The following ZC3H13 variants were observed in gnomAD, a reference collection of about 807,000 sequenced individuals.
ZC3H13 encodes the protein zinc finger CCCH-type containing 13.
In ZC3H13, 64 loss-of-function variants were observed where a neutral mutation model predicts 204.1. The ratio of observed to expected loss-of-function variants is 0.31; its 90% CI spans 0.26 to 0.39. The LOEUF (loss-of-function observed/expected upper bound fraction) is 0.39, where lower values mean the gene tolerates loss of function less well. Among genes scored for constraint, ZC3H13 ranks in the 10% least tolerant of loss-of-function variants. The pLI is 1.00. For missense variants in ZC3H13, 1,833 were observed against 2,082.7 expected, an observed-to-expected ratio of 0.88 and a Z score of 2.33; for synonymous variants, 667 against 693.7, an observed-to-expected ratio of 0.96 and a Z score of 0.60.
At chr13:45,962,463 CTT>C in intron 17 of ZC3H13, 1 of 984,604 alleles carries the variant, frequency 1.0e-6, no homozygotes, top group Non-Finnish European at 1.2e-6. Context: ...TATTCCATCA[CTT>C]TACAAATAAA....
At chr13:45,967,380 T>TA in intron 15 of ZC3H13, 124 bp downstream of exon 15, 1 of 1,102,372 alleles carries the variant, frequency 9.1e-7, no homozygotes, top group Non-Finnish European at 1.3e-6. Flanking sequence ...ACTTCCTCTA[T>TA]AGAAGAATGG....
At position 45,989,076 on chromosome 13, in the gene ZC3H13, C is replaced by A. The variant is rs748949295; in HGVS notation, c.966G>T (p.Gln322His). The change falls in exon 9 of 19, where the codon CAG becomes CAT. Residue 322 changes from glutamine (Q) to histidine (H), a missense_variant. Gln to His is a conservative substitution (Grantham distance 24, BLOSUM62 0). Around this residue, in one of 5 missense-constraint regions of ZC3H13, gnomAD observed 1,574 missense variants for 1,757.2 expected, o/e 0.90. Coordinates refer to ENST00000679008, the MANE Select transcript of ZC3H13 (RefSeq NM_001330564.2). ...GTCTAGAAGATATAGGAGAATGATGCTGTCCTGCTGGGGAAGTAGACCTAC... is the reference window on the plus strand; with the variant it reads ...GTCTAGAAGATATAGGAGAATGATGATGTCCTGCTGGGGAAGTAGACCTAC... Reference protein sequence around the residue: ...DKPRSTSPAGQHHSPISSRHH... With the variant: ...DKPRSTSPAGHHHSPISSRHH... The A allele has an allele frequency of 1.9e-5, 30 of 1,613,478 alleles. 1 individual carries two copies. In the South Asian group the frequency reaches 3.3e-4, roughly 18 times the overall value.
chr13:46,042,267 T>A lies in ZC3H13; in HGVS notation c.236A>T (p.Glu79Val). ...TTCTCTAAGATCCCCTGTAGGTCTT[T>A]CTGGTGACCTTTGAACCAAAACACA... ...GYSSNYRRSP[E>V]RPTGDLRERM... is the part of the protein sequence containing the mutation. The change falls in exon 4 of 19, where the codon GAA becomes GTA. Residue 79 changes from glutamate (E) to valine (V), a missense_variant. Coordinates refer to ENST00000679008, the MANE Select transcript of ZC3H13 (RefSeq NM_001330564.2). 6.2e-7 allele frequency: 1 copy of A among 1,611,390 alleles called. No homozygotes were observed. The highest frequency in any genetic ancestry group is 8.5e-7 in the Non-Finnish European group (1 of 1,178,184).
At chr13:45,963,009 G>A (rs45594237) in intron 17 of ZC3H13, 11,974 of 985,338 alleles carry the variant, frequency 0.012, 100 homozygotes, top group South Asian at 0.051. Flanking sequence ...AAAAATCAGC[G>A]TGATAGGATA....
At chr13:45,966,084 AT>A (rs1484936206) in intron 15 of ZC3H13, among the ~76,000 whole-genome samples, 2 of 152,038 alleles carry the variant, frequency 1.3e-5, no homozygotes, top group South Asian at 2.1e-4. Flanking sequence ...TGTATGTTCT[AT>A]TTTTTTATTT....
At chr13:46,036,150 GAAA>G (rs5803325) in intron 4 of ZC3H13, among the ~76,000 whole-genome samples, 7 of 138,926 alleles carry the variant, frequency 5.0e-5, no homozygotes, top group East Asian at 2.1e-4. Flanking sequence ...TCCGTGTCAA[GAAA>G]AAAAAAAAAA....
chr13:46,051,694 C>G (rs1265049194), intron 1 of ZC3H13, among the ~76,000 whole-genome samples: 2 of 152,154 alleles, frequency 1.3e-5, no homozygotes, highest in Non-Finnish European at 2.9e-5. Context: ...AGACTTCATA[C>G]TCCCATAATT....
At chr13:46,037,222 A>G (rs1452122695) in intron 4 of ZC3H13, among the ~76,000 whole-genome samples, 2 of 152,244 alleles carry the variant, frequency 1.3e-5, no homozygotes, top group African/African-American at 4.8e-5. Context: ...CCACAATAAA[A>G]AAATGAAAAT....
Position 45,968,863 on chromosome 13 carries a change from T to C in ZC3H13, c.3681A>G (p.Val1227=), listed in dbSNP as rs529099909. The C allele has an allele frequency of 3.7e-6, 6 of 1,614,194 alleles. No individual in the cohort carries two copies. The African/African-American group carries it at 5.3e-5, about 14-fold the overall frequency. ...CTCTATCTCTTGAGCCACTGTGCAG[T>C]ACTCTCTTTCGACCACTTTGGTCAT... The part of the protein sequence containing the change: ...SGDDQSGRKR[V]LHSGSRDREK... The change falls in exon 14 of 19, where the codon GTA becomes GTG. Residue 1227 remains valine (V), a synonymous_variant. Transcript: ENST00000679008.
At chr13:46,052,321 G>C (rs936678192) in intron 1 of ZC3H13, 83 bp downstream of exon 1, 2 of 309,090 alleles carry the variant, frequency 6.5e-6, no homozygotes, top group South Asian at 1.6e-4. Flanking sequence ...AAGCAAAGAC[G>C]GGGGGGGGTA....
In ZC3H13 at chr13:45,955,762, T is replaced by C. The variant is rs1320626762; in HGVS notation, c.*1365A>G. The C allele has an allele frequency of 2.0e-5, 3 of 152,174 alleles. No individual in the cohort carries two copies. The East Asian group carries it at 5.8e-4, about 29-fold the overall frequency. The allele number at this position is 152,174 out of a possible 1,614,324, so 9.4% of individuals were successfully genotyped here. On this transcript the variant is annotated 3_prime_UTR_variant, in exon 19 of 19. Transcript: ENST00000679008. ...TCTTCTCCTGCTCTGTTTGCAATTA[T>C]ACATGCTTTCAAAGTCATTTGAAAG...
At chr13:46,020,364 G>T in intron 5 of ZC3H13, 85 bp downstream of exon 5, 1 of 963,082 alleles carries the variant, frequency 1.0e-6, no homozygotes, top group Non-Finnish European at 1.6e-6. Context: ...AGGGATCACA[G>T]TCGAAAGGTG....
Position 45,985,330 on chromosome 13 carries a change from T to C in ZC3H13, c.1687A>G (p.Ser563Gly), listed in dbSNP as rs1321922901. 1 of 1,614,082 alleles carries C rather than the reference T, an allele frequency of 6.2e-7. No individual in the cohort carries two copies. Among genetic ancestry groups the C allele is most frequent in the Non-Finnish European group, 8.5e-7 (1 of 1,179,954 alleles). ...GGTAACTCAGGAACCCTCCCCCTACTTCGGCCCATTCGGTCATTTCTAATT... is the reference window on the plus strand; with the variant it reads ...GGTAACTCAGGAACCCTCCCCCTACCTCGGCCCATTCGGTCATTTCTAATT... ...SEIRNDRMGR[S>G]RGRVPELPEK... Residue 563 changes from serine (S) to glycine (G), a missense_variant, in exon 10 of 19, where the codon AGT becomes GGT. Physicochemically the swap from Ser to Gly is moderately conservative, Grantham distance 56 (BLOSUM62 0). Around this residue, in one of 5 missense-constraint regions of ZC3H13, gnomAD observed 1,574 missense variants for 1,757.2 expected, o/e 0.90. Transcript: ENST00000679008.
intron 4 of ZC3H13, among the ~76,000 whole-genome samples, chr13:46,022,525 C>T (rs1425879009): frequency 6.6e-6 from 1 of 151,858 alleles, no homozygotes; most frequent in Non-Finnish European, 1.5e-5. Flanking sequence ...TCTACTATTC[C>T]ACCTTGCTGT....
intron 8 of ZC3H13, among the ~76,000 whole-genome samples, chr13:45,993,001 A>T (rs2040073360): frequency 6.6e-6 from 1 of 152,102 alleles, no homozygotes; most frequent in East Asian, 1.9e-4. Flanking sequence ...CCAATTCCTT[A>T]AGTAAATCTC....
chr13:45,970,141 A>G (rs1408948817), intron 13 of ZC3H13, among the ~76,000 whole-genome samples, 170 bp from the exon 14 acceptor site: 1 of 152,216 alleles, frequency 6.6e-6, no homozygotes, highest in Non-Finnish European at 1.5e-5. Flanking sequence ...TTTTAAAATG[A>G]CAATAATTTT....
intron 17 of ZC3H13, chr13:45,962,865 TA>T: frequency 1.0e-6 from 1 of 985,332 alleles, no homozygotes; most frequent in Non-Finnish European, 1.2e-6. Context: ...AATAAAGTAT[TA>T]GTAAGTTGCA....
At chr13:45,987,325 T>C (rs1323995022) in intron 9 of ZC3H13, among the ~76,000 whole-genome samples, 2 of 152,220 alleles carry the variant, frequency 1.3e-5, no homozygotes, top group East Asian at 1.9e-4. Flanking sequence ...TGAGACTCAA[T>C]TGCTTATTAT....
chr13:46,024,785 TC>T (rs1328202992), intron 4 of ZC3H13, among the ~76,000 whole-genome samples: 2 of 152,084 alleles, frequency 1.3e-5, no homozygotes, highest in African/African-American at 2.4e-5. Flanking sequence ...TCTAAGTATT[TC>T]CCCCATGTTT....
Sources: allele counts gnomAD v4.1 joint callset (sites outside exome capture counted in the v4.1 genomes callset), GRCh38; gene constraint gnomAD v4.1.1; regional missense constraint gnomAD v4.1.1; transcripts MANE v1.5; gene names NCBI Gene and HGNC (gene_info 2026-07-23, HGNC 2026-07-21).